NT5C3A: variants seen among roughly 807,000 people sequenced by gnomAD.
NT5C3A encodes cytosolic 5'-nucleotidase 3A.
A neutral mutation model predicts 40.0 loss-of-function variants in NT5C3A; 23 were observed. The observed-to-expected ratio is 0.58, with a 90% CI of 0.41 to 0.81. The LOEUF is 0.81. Among genes scored for constraint, NT5C3A ranks in the 40% least tolerant of loss-of-function variants. The pLI is 0.00. For synonymous variants in NT5C3A, 130 were observed against 141.4 expected, an observed-to-expected ratio of 0.92 and a Z score of 0.57; for missense variants, 328 against 403.0, an observed-to-expected ratio of 0.81 and a Z score of 1.59.
chr7:33,034,377 T>C (rs767679861), intron 1 of NT5C3A, among the ~76,000 whole-genome samples: 41 of 152,260 alleles, frequency 2.7e-4, no homozygotes, highest in Non-Finnish European at 4.4e-4. Context: ...AACAACATTA[T>C]ACAAAGAGGA....
At chr7:33,038,414 T>C (rs1393499699) in intron 1 of NT5C3A, among the ~76,000 whole-genome samples, 1 of 152,042 alleles carries the variant, frequency 6.6e-6, no homozygotes, top group African/African-American at 2.4e-5. Flanking sequence ...TCAGTATAAG[T>C]TGGTAAAAGA....
intron 1 of NT5C3A, among the ~76,000 whole-genome samples, chr7:33,029,914 TA>T (rs1366893632): frequency 2.0e-5 from 3 of 152,180 alleles, no homozygotes; most frequent in Admixed American, 1.3e-4. Flanking sequence ...AACCAGTAGC[TA>T]AAGGCATTGG....
chr7:33,021,384 T>A (rs1385343446), intron 4 of NT5C3A, 27 bp from the exon 5 acceptor site: 1 of 1,604,478 alleles, frequency 6.2e-7, no homozygotes, highest in East Asian at 2.2e-5. Context: ...AACTTAATCA[T>A]GAAGATTACT....
intron 1 of NT5C3A, among the ~76,000 whole-genome samples, chr7:33,057,124 T>A (rs995333355): frequency 6.6e-6 from 1 of 152,146 alleles, no homozygotes; most frequent in African/African-American, 2.4e-5. Context: ...TTTTTTGTTT[T>A]TTTAACTGCT....
At chr7:33,053,600 G>T (rs1034764102) in intron 1 of NT5C3A, among the ~76,000 whole-genome samples, 2 of 152,032 alleles carry the variant, frequency 1.3e-5, no homozygotes, top group Non-Finnish European at 2.9e-5. Flanking sequence ...GGTCGAGGTT[G>T]CAATGAGCTA....
At chr7:33,062,416 G>A in intron 1 of NT5C3A, 152 bp downstream of exon 1, 1 of 667,770 alleles carries the variant, frequency 1.5e-6, no homozygotes, top group South Asian at 2.1e-5. Flanking sequence ...CCCCCAAGCT[G>A]CGCGTCCCGA....
intron 1 of NT5C3A, among the ~76,000 whole-genome samples, chr7:33,028,349 T>C (rs1786063557): frequency 6.6e-6 from 1 of 152,228 alleles, no homozygotes; most frequent in African/African-American, 2.4e-5. Flanking sequence ...TATTATTTCT[T>C]GTTACTAGCT....
At chr7:33,048,121 G>T (rs780663540) in intron 1 of NT5C3A, among the ~76,000 whole-genome samples, 15 of 151,454 alleles carry the variant, frequency 9.9e-5, no homozygotes, top group Non-Finnish European at 1.9e-4. Flanking sequence ...AAGAAAACAG[G>T]ATGTAAGATA....
At chr7:33,046,939 G>A (rs923243184) in intron 1 of NT5C3A, among the ~76,000 whole-genome samples, 4 of 150,434 alleles carry the variant, frequency 2.7e-5, no homozygotes, top group African/African-American at 9.8e-5. Flanking sequence ...GAGTAGTGGG[G>A]ACCACAGGTG....
chr7:33,014,572 T>G lies in NT5C3A; in HGVS notation c.*158A>C. ...GTTGAGAGAGGTGGAGAAAAGGAGC[T>G]TCCAGTCAATGCATTCACCATATCT... On this transcript the variant is annotated 3_prime_UTR_variant, in exon 9 of 9. Coordinates refer to ENST00000610140, the MANE Select transcript of NT5C3A (RefSeq NM_001002010.5). 1 of 1,046,918 alleles carries G rather than the reference T, an allele frequency of 9.6e-7. No homozygotes were observed. The highest frequency in any genetic ancestry group is 1.4e-6 in the Non-Finnish European group (1 of 710,496). The allele number at this position is 1,046,918 out of a possible 1,614,324, so 64.9% of individuals were successfully genotyped here.
Position 33,031,354 on chromosome 7 carries a change from G to A in NT5C3A, c.139-4439C>T, listed in dbSNP as rs181788249. Among the ~76,000 whole-genome samples, 60 of 151,280 alleles carry A rather than the reference G, an allele frequency of 4.0e-4. 1 individual carries two copies. Among genetic ancestry groups the A allele is most frequent in the African/African-American group, 1.4e-3 (59 of 41,214 alleles). On this transcript the variant is annotated intron_variant, in intron 1 of 8. Coordinates refer to ENST00000610140, the MANE Select transcript of NT5C3A (RefSeq NM_001002010.5). ...TGTAATCCCAGCACTTTAGGAGGCC[G>A]AGGCAGGAGGATCACTTGGGCTCAG...
intron 1 of NT5C3A, among the ~76,000 whole-genome samples, chr7:33,047,953 G>A (rs1409824797): frequency 1.3e-5 from 2 of 151,958 alleles, no homozygotes; most frequent in Admixed American, 6.6e-5. Flanking sequence ...TCAAGTAGCT[G>A]GAACTATAGG....
chr7:33,049,788 T>C (rs1787291308), intron 1 of NT5C3A, among the ~76,000 whole-genome samples: 1 of 150,968 alleles, frequency 6.6e-6, no homozygotes, highest in Non-Finnish European at 1.5e-5. Flanking sequence ...GCTAACACGG[T>C]GAAACCCCGT....
chr7:33,017,137 T>G, intron 7 of NT5C3A: 1 of 336,974 alleles, frequency 3.0e-6, no homozygotes, highest in Non-Finnish European at 5.4e-6. Context: ...GTGCTGAGAT[T>G]GTGCTACTGC....
intron 1 of NT5C3A, among the ~76,000 whole-genome samples, chr7:33,037,857 A>G (rs1583940766): frequency 2.0e-5 from 3 of 152,324 alleles, no homozygotes; most frequent in Middle Eastern, 6.8e-3. Flanking sequence ...TATAACTCAT[A>G]AAACATTTGA....
intron 1 of NT5C3A, among the ~76,000 whole-genome samples, chr7:33,059,831 A>C (rs573511735): frequency 6.6e-6 from 1 of 152,214 alleles, no homozygotes; most frequent in African/African-American, 2.4e-5. Context: ...TGCTAGTGCC[A>C]TAGTTTAAGA....
At chr7:33,019,244 A>C (rs914776443) in intron 6 of NT5C3A, among the ~76,000 whole-genome samples, 1 of 147,272 alleles carries the variant, frequency 6.8e-6, no homozygotes, top group Non-Finnish European at 1.5e-5. Flanking sequence ...CAACAGAGAG[A>C]GACCCTGTCT....
chr7:33,027,872 C>T (rs1786032662), intron 1 of NT5C3A, among the ~76,000 whole-genome samples: 1 of 152,140 alleles, frequency 6.6e-6, no homozygotes, highest in African/African-American at 2.4e-5. Context: ...TTTAGCTCAT[C>T]CTCATTATAT....
rs1190791380 is a variant in NT5C3A, at chr7:33,024,108, T to A, written c.238A>T (p.Ile80Leu). 1.3e-6 allele frequency: 2 copies of A among 1,559,102 alleles called. No individual in the cohort carries two copies. The highest frequency in any genetic ancestry group is 1.4e-5 in the African/African-American group (1 of 73,968). ...AGTGTCATATCAAAGTCCGTTATTA[T>A]CTGTAAGAAAAGAGTGAAATGCATT... ...LIKGGAAKLQIITDFDMTLSR... is the reference protein window; with the variant it reads ...LIKGGAAKLQLITDFDMTLSR... Residue 80 changes from isoleucine (I) to leucine (L), a missense_variant and splice_region_variant, in exon 3 of 9, where the codon ATA becomes TTA. Transcript: ENST00000610140.
Sources: gnomAD v4.1 joint callset for allele counts (sites outside exome capture counted in the v4.1 genomes callset) on GRCh38, gnomAD v4.1.1 for gene constraint, MANE v1.5 for transcripts, NCBI Gene and HGNC (gene_info 2026-07-23, HGNC 2026-07-21) for gene names.